Variants in PIBF1 observed in about 807,000 individuals in gnomAD.
The protein encoded by PIBF1 is progesterone-induced-blocking factor 1.
In PIBF1, 90 loss-of-function variants were observed where a neutral mutation model predicts 112.5. That is an observed-to-expected ratio of 0.80 (90% CI 0.67 to 0.95). The LOEUF is 0.95. PIBF1 is among the 40% of genes least tolerant of loss of function. The pLI is 0.00. For synonymous variants in PIBF1, 301 were observed against 288.6 expected (o/e 1.04, Z -0.44); for missense variants, 915 against 852.3 (o/e 1.07, Z -0.92).
intron 16 of PIBF1, among the ~76,000 whole-genome samples, chr13:72,996,876 T>C (rs2043691129): frequency 6.6e-6 from 1 of 152,198 alleles, no homozygotes; most frequent in Non-Finnish European, 1.5e-5. Flanking sequence ...GTTCTAAATG[T>C]TATTTGGGTA....
At chr13:72,792,634 GC>G (rs2034992240) in intron 3 of PIBF1, 87 bp downstream of exon 3, 1 of 658,572 alleles carries the variant, frequency 1.5e-6, no homozygotes, top group African/African-American at 1.9e-5. Context: ...GTGACTGTAA[GC>G]TAAAATAGAG....
chr13:72,843,788 C>T (rs1377658089), intron 9 of PIBF1, among the ~76,000 whole-genome samples: 1 of 152,168 alleles, frequency 6.6e-6, no homozygotes, highest in Non-Finnish European at 1.5e-5. Flanking sequence ...CAGCTTTTTA[C>T]TAGAGATGTT....
rs1403033001 is a variant in PIBF1 at position 72,801,467 on chromosome 13, A to G, written c.672+3441A>G. Among the ~76,000 whole-genome samples the G allele has an allele frequency of 2.6e-5, 4 of 152,184 alleles. No individual in the cohort carries two copies. The South Asian group carries it at 6.2e-4, about 24-fold the overall frequency. Reference sequence around the variant, plus strand: ...TAAAATGTACACAAATCTATTATCAAAAGTTAAAATTTATCAAAGCATGCA... The same window carrying G: ...TAAAATGTACACAAATCTATTATCAGAAGTTAAAATTTATCAAAGCATGCA... On this transcript the variant is annotated intron_variant, in intron 5 of 17. Transcript: ENST00000326291.
chr13:72,789,804 A>T (rs2034802876), intron 2 of PIBF1, among the ~76,000 whole-genome samples: 2 of 152,142 alleles, frequency 1.3e-5, no homozygotes, highest in South Asian at 4.1e-4. Flanking sequence ...CAAAAGGGTC[A>T]ACTGAGCATT....
At chr13:73,011,948 T>C (rs1409553692) in intron 17 of PIBF1, among the ~76,000 whole-genome samples, 2 of 152,062 alleles carry the variant, frequency 1.3e-5, no homozygotes, top group Non-Finnish European at 2.9e-5. Context: ...ACAGATAAAG[T>C]AGACAGCTTG....
intron 15 of PIBF1, among the ~76,000 whole-genome samples, chr13:72,970,205 C>T (rs1393520717): frequency 6.6e-6 from 1 of 151,990 alleles, no homozygotes; most frequent in South Asian, 2.1e-4. Flanking sequence ...AAAATGAAAT[C>T]ATCATAAACA....
intron 12 of PIBF1, among the ~76,000 whole-genome samples, chr13:72,915,964 A>G (rs2041077815): frequency 2.0e-5 from 3 of 152,232 alleles, no homozygotes; most frequent in South Asian, 4.1e-4. Flanking sequence ...TTTTAACATT[A>G]AAATAATGGC....
At chr13:72,789,550 T>C (rs2034790362) in intron 2 of PIBF1, among the ~76,000 whole-genome samples, 1 of 152,240 alleles carries the variant, frequency 6.6e-6, no homozygotes, top group East Asian at 1.9e-4. Context: ...TGTGGGTTCC[T>C]TATTACCTGG....
At chr13:72,867,397 T>C (rs999380359) in intron 10 of PIBF1, among the ~76,000 whole-genome samples, 1 of 152,192 alleles carries the variant, frequency 6.6e-6, no homozygotes, top group Non-Finnish European at 1.5e-5. Flanking sequence ...AATACAGTTA[T>C]TAATAGAATT....
intron 15 of PIBF1, chr13:72,969,525 A>G (rs932973040): frequency 4.6e-5 from 7 of 152,218 alleles, no homozygotes; most frequent in African/African-American, 1.4e-4. Context: ...GTTTAATTAC[A>G]ACACTTGAGA....
intron 16 of PIBF1, 115 bp downstream of exon 16, chr13:72,973,790 A>G (rs1566506926): frequency 3.3e-6 from 2 of 610,678 alleles, no homozygotes; most frequent in East Asian, 3.0e-5. Context: ...TCTCTTATTT[A>G]TGTCTCACTG....
intron 16 of PIBF1, among the ~76,000 whole-genome samples, chr13:72,990,866 A>C (rs2043458538): frequency 6.6e-6 from 1 of 152,208 alleles, no homozygotes; most frequent in Non-Finnish European, 1.5e-5. Context: ...TAATTAATTA[A>C]TTTTAAATAT....
intron 13 of PIBF1, among the ~76,000 whole-genome samples, chr13:72,928,028 T>TATACATATATATAGATACATATATATAC (rs1566458687): frequency 1.7e-5 from 1 of 58,870 alleles, no homozygotes; most frequent in African/African-American, 5.1e-5. Flanking sequence ...TATATATACA[T>TATACATATATATAGATACATATATATAC]ATATATATAT....
chr13:72,932,345 G>A (rs1294113812), intron 14 of PIBF1, among the ~76,000 whole-genome samples: 4 of 152,078 alleles, frequency 2.6e-5, no homozygotes, highest in Non-Finnish European at 5.9e-5. Context: ...TTTATTATTT[G>A]TTTTCTTAAG....
At chr13:72,938,849 T>A (rs1161056672) in intron 14 of PIBF1, among the ~76,000 whole-genome samples, 2 of 152,238 alleles carry the variant, frequency 1.3e-5, no homozygotes, top group Non-Finnish European at 2.9e-5. Context: ...TTTTTTTAAC[T>A]CTAGCCATCC....
At chr13:72,927,645 AT>A (rs920324523) in intron 13 of PIBF1, among the ~76,000 whole-genome samples, 4 of 151,124 alleles carry the variant, frequency 2.6e-5, no homozygotes, top group Non-Finnish European at 3.0e-5. Context: ...CCTTGGCCTA[AT>A]TTTTTTTTAC....
In PIBF1 at chr13:72,992,878, C is replaced by T. The variant is rs532433736; in HGVS notation, c.2050-5944C>T. Among the ~76,000 whole-genome samples the T allele has an allele frequency of 1.5e-4, 23 of 151,794 alleles. No individual in the cohort carries two copies. In the South Asian group the frequency reaches 4.6e-3, roughly 30 times the overall value. On this transcript the variant is annotated intron_variant, in intron 16 of 17. Coordinates refer to ENST00000326291, the MANE Select transcript of PIBF1 (RefSeq NM_006346.4). Reference sequence around the variant, plus strand: ...TCCTTTATTCATAAATGGGATCACACAACCAAAAACTATCAGAAACTGGAA... The same window carrying T: ...TCCTTTATTCATAAATGGGATCACATAACCAAAAACTATCAGAAACTGGAA...
chr13:72,868,561 C>T (rs1404196451), intron 10 of PIBF1, among the ~76,000 whole-genome samples: 1 of 152,158 alleles, frequency 6.6e-6, no homozygotes, highest in Non-Finnish European at 1.5e-5. Flanking sequence ...GTTGGTGTAA[C>T]AAAACATGTC....
intron 10 of PIBF1, among the ~76,000 whole-genome samples, chr13:72,878,546 G>T (rs1424667742): frequency 1.3e-5 from 2 of 152,102 alleles, no homozygotes; most frequent in Admixed American, 1.3e-4. Flanking sequence ...TGTGTTTATA[G>T]CCTGGGATGC....
Sources: gnomAD v4.1 joint callset for allele counts (sites outside exome capture counted in the v4.1 genomes callset) on GRCh38, gnomAD v4.1.1 for gene constraint, MANE v1.5 for transcripts, NCBI Gene and HGNC (gene_info 2026-07-23, HGNC 2026-07-21) for gene names.